CDCA4: variants seen among roughly 807,000 people sequenced by gnomAD.
CDCA4 encodes cell division cycle-associated protein 4.
For missense variants in CDCA4, 294 were observed against 322.1 expected (o/e 0.91, Z 0.67); for synonymous variants, 130 against 137.0 (o/e 0.95, Z 0.36).
chr14:105,020,900 GC>G (rs1886215899), intron 1 of CDCA4, 98 bp downstream of exon 1: 1 of 151,892 alleles, frequency 6.6e-6, no homozygotes, highest in Admixed American at 6.6e-5. Context: ...AGCGCCAGGA[GC>G]CACAGACTCC....
At chr14:105,018,735 CA>C (rs1886148242) in intron 1 of CDCA4, among the ~76,000 whole-genome samples, 1 of 116,258 alleles carries the variant, frequency 8.6e-6, no homozygotes, top group Non-Finnish European at 2.1e-5. Context: ...GCTCCCTGCT[CA>C]ATTTTTTTTT....
intron 1 of CDCA4, among the ~76,000 whole-genome samples, chr14:105,019,044 A>G (rs551612346): frequency 6.6e-6 from 1 of 152,092 alleles, no homozygotes; most frequent in East Asian, 1.9e-4. Context: ...CCCCCTGCTC[A>G]GTTTTGAAGC....
intron 1 of CDCA4, among the ~76,000 whole-genome samples, chr14:105,020,491 G>C (rs1175390160): frequency 1.3e-5 from 2 of 152,222 alleles, no homozygotes; most frequent in African/African-American, 4.8e-5. Context: ...GTCCCACCTC[G>C]CACCGCCGGA....
In CDCA4 at chr14:105,011,232, T is replaced by G. The variant is rs549960651; in HGVS notation, c.698A>C (p.His233Pro). The change falls in exon 2 of 2, where the codon CAC becomes CCC. Residue 233 changes from histidine (H) to proline (P), a missense_variant. Physicochemically the swap from His to Pro is moderately conservative, Grantham distance 77. Transcript: ENST00000336219. ...SCKSDLGELDHVVEILVET is the reference protein window; with the variant it reads ...SCKSDLGELDPVVEILVET ...GGTCTCCACCAGGATCTCCACCACG[T>G]GGTCCAGCTCGCCCAGGTCGGACTT... The G allele has an allele frequency of 1.5e-4, 244 of 1,612,300 alleles. No individual in the cohort carries two copies. The East Asian group carries it at 4.3e-3, about 29-fold the overall frequency.
In CDCA4 at chr14:105,010,573, C is replaced by CA. The variant is rs1900471951; in HGVS notation, c.*630dup. The CA allele has an allele frequency of 6.6e-6, 1 of 152,298 alleles. No homozygotes were observed. Among genetic ancestry groups the CA allele is most frequent in the Admixed American group, 6.5e-5 (1 of 15,274 alleles). 9.4% of individuals were successfully genotyped at this position (152,298 alleles called of 1,614,324 possible). A position where few individuals can be genotyped will look rare whatever the true frequency, so the allele number is the denominator to read the frequency against. On this transcript the variant is annotated 3_prime_UTR_variant, in exon 2 of 2. Transcript: ENST00000336219. ...CAGGACATAATGAAGAAGTATCACA[C>CA]ACACATTTAAAGTAAAACATGATAC...
Position 105,011,159 on chromosome 14 carries a change from C to G in CDCA4, c.*45G>C. The G allele has an allele frequency of 6.4e-7, 1 of 1,555,922 alleles. No individual in the cohort carries two copies. The highest frequency in any genetic ancestry group is 8.7e-7 in the Non-Finnish European group (1 of 1,151,764). On this transcript the variant is annotated 3_prime_UTR_variant, in exon 2 of 2. Coordinates refer to ENST00000336219, the MANE Select transcript of CDCA4 (RefSeq NM_017955.4). Reference sequence around the variant, plus strand: ...CACCCTCCGTGGGAGCCAGTGCTCACGTGTCAATGCGTCAGAGGCGGCTGT... The same window carrying G: ...CACCCTCCGTGGGAGCCAGTGCTCAGGTGTCAATGCGTCAGAGGCGGCTGT...
intron 1 of CDCA4, among the ~76,000 whole-genome samples, chr14:105,019,603 A>G (rs1323042064): frequency 6.6e-6 from 1 of 152,266 alleles, no homozygotes; most frequent in African/African-American, 2.4e-5. Context: ...AACAGGGAGA[A>G]GAGGAGCAAG....
chr14:105,011,228 C>G lies in CDCA4; in HGVS notation c.702G>C (p.Val234=), dbSNP rs1900488860. 1.2e-6 allele frequency: 2 copies of G among 1,611,594 alleles called. No individual in the cohort carries two copies. Among genetic ancestry groups the G allele is most frequent in the Non-Finnish European group, 1.7e-6 (2 of 1,178,942 alleles). Residue 234 remains valine, a synonymous_variant, in exon 2 of 2, where the codon GTG becomes GTC. Transcript: ENST00000336219. ...CKSDLGELDH[V]VEILVET ...CTCAGGTCTCCACCAGGATCTCCAC[C>G]ACGTGGTCCAGCTCGCCCAGGTCGG...
At chr14:105,019,004 T>TG (rs1321173144) in intron 1 of CDCA4, among the ~76,000 whole-genome samples, 10 of 152,054 alleles carry the variant, frequency 6.6e-5, no homozygotes, top group Admixed American at 6.6e-4. Context: ...CCCAAAGTGC[T>TG]GGATTACAGG....
intron 1 of CDCA4, among the ~76,000 whole-genome samples, chr14:105,016,098 G>C (rs993432784): frequency 2.6e-5 from 4 of 152,214 alleles, no homozygotes; most frequent in Non-Finnish European, 5.9e-5. Context: ...TCACGAGAGA[G>C]GAGGGCCGCA....
In CDCA4 at chr14:105,011,775, A is replaced by G. The variant is rs751358827; in HGVS notation, c.155T>C (p.Val52Ala). ...GACTGAGCGGCACAGGTTGGGCTCC[A>G]CAAGCATGTGGCAAAGCTGCAACTT... ...LVKLQLCHMLVEPNLCRSVLI... is the reference protein window; with the variant it reads ...LVKLQLCHMLAEPNLCRSVLI... The change falls in exon 2 of 2, where the codon GTG (valine) becomes GCG (alanine). Residue 52 changes from valine to alanine, a missense_variant. Val to Ala is a moderately conservative substitution (Grantham distance 64). Transcript: ENST00000336219. 3.7e-6 allele frequency: 6 copies of G among 1,613,612 alleles called. No individual in the cohort carries two copies. In the African/African-American group the frequency reaches 6.7e-5, roughly 18 times the overall value.
At chr14:105,017,839 AAC>A (rs371146524) in intron 1 of CDCA4, among the ~76,000 whole-genome samples, 4 of 151,918 alleles carry the variant, frequency 2.6e-5, no homozygotes, top group East Asian at 2.0e-4. Context: ...TCAAAAAAAA[AAC>A]ACACACACAC....
Position 105,011,157 on chromosome 14 carries a change from C to A in CDCA4, c.*47G>T. ...CGCACCCTCCGTGGGAGCCAGTGCT[C>A]ACGTGTCAATGCGTCAGAGGCGGCT... is the stretch of plus-strand genomic sequence containing the variant. On this transcript the variant is annotated 3_prime_UTR_variant, in exon 2 of 2. Coordinates refer to ENST00000336219, the MANE Select transcript of CDCA4 (RefSeq NM_017955.4). 6.4e-7 allele frequency: 1 copy of A among 1,552,890 alleles called. No individual in the cohort carries two copies. The highest frequency in any genetic ancestry group is 1.2e-5 in the South Asian group (1 of 80,616).
chr14:105,020,515 G>T (rs1886201061), intron 1 of CDCA4, among the ~76,000 whole-genome samples: 1 of 152,222 alleles, frequency 6.6e-6, no homozygotes, highest in African/African-American at 2.4e-5. Flanking sequence ...GCCCAGGGAA[G>T]ACGGCGCTGG....
intron 1 of CDCA4, among the ~76,000 whole-genome samples, chr14:105,014,781 T>C (rs1256566537): frequency 1.3e-5 from 2 of 152,360 alleles, no homozygotes; most frequent in African/African-American, 2.4e-5. Flanking sequence ...GGTTCCTCTG[T>C]GGGAAGTCAA....
At chr14:105,018,196 G>A (rs1252213648) in intron 1 of CDCA4, among the ~76,000 whole-genome samples, 2 of 149,952 alleles carry the variant, frequency 1.3e-5, no homozygotes, top group Non-Finnish European at 3.0e-5. Context: ...AGATGTGCCT[G>A]GGTTACACAA....
Position 105,011,884 on chromosome 14 carries a change from C to G in CDCA4, c.46G>C (p.Asp16His), listed in dbSNP as rs373156203. ...LKRKCVGHEE[D>H]VEGALAGLKT... is the part of the protein sequence containing the mutation. ...AAGCCGGCCAGGGCTCCCTCCACGTCTTCCTCGTGGCCAACACATTTCCTC... is the reference window on the plus strand; with the variant it reads ...AAGCCGGCCAGGGCTCCCTCCACGTGTTCCTCGTGGCCAACACATTTCCTC... The change falls in exon 2 of 2, where the codon GAC becomes CAC. Residue 16 changes from aspartate (D) to histidine (H), a missense_variant. Asp to His is a moderately conservative substitution (Grantham distance 81). Coordinates refer to ENST00000336219, the MANE Select transcript of CDCA4 (RefSeq NM_017955.4). The G allele has an allele frequency of 2.5e-6, 4 of 1,613,598 alleles. No homozygotes were observed. In the African/African-American group the frequency reaches 4.0e-5, roughly 16 times the overall value.
At chr14:105,020,673 G>A (rs1886208367) in intron 1 of CDCA4, among the ~76,000 whole-genome samples, 1 of 152,200 alleles carries the variant, frequency 6.6e-6, no homozygotes. Flanking sequence ...CCCCAGCCGG[G>A]CCCTCGTGAA....
chr14:105,018,571 G>A (rs558417616), intron 1 of CDCA4, among the ~76,000 whole-genome samples: 6 of 152,214 alleles, frequency 3.9e-5, no homozygotes, highest in African/African-American at 1.4e-4. Context: ...GACAAAGTCA[G>A]CAAGAGCATG....
Sources: gnomAD v4.1 joint callset for allele counts (sites outside exome capture counted in the v4.1 genomes callset) on GRCh38, gnomAD v4.1.1 for gene constraint, MANE v1.5 for transcripts, NCBI Gene and HGNC (gene_info 2026-07-23, HGNC 2026-07-21) for gene names.